GNA14: variants seen among roughly 807,000 people sequenced by gnomAD.
The protein encoded by GNA14 is G protein subunit alpha 14, also known as guanine nucleotide-binding protein subunit alpha-14.
In GNA14, 50 loss-of-function variants were observed where a neutral mutation model predicts 42.0. That is an observed-to-expected ratio of 1.19 (90% CI 0.95 to 1.51). The LOEUF is 1.51. Among genes scored for constraint, GNA14 ranks in the 40% most tolerant of loss-of-function variants. The probability of loss-of-function intolerance (pLI) is 0.00; values close to 1 mark genes in which losing one functional copy is unlikely to be tolerated. For missense variants in GNA14, 473 were observed against 446.2 expected, an observed-to-expected ratio of 1.06 and a Z score of -0.54; for synonymous variants, 173 against 163.1, an observed-to-expected ratio of 1.06 and a Z score of -0.46.
intron 2 of GNA14, among the ~76,000 whole-genome samples, chr9:77,458,914 G>GGGA (rs61548659): frequency 6.6e-6 from 1 of 150,836 alleles, no homozygotes; most frequent in South Asian, 2.1e-4. Flanking sequence ...AGGGGGGGGG[G>GGGA]TTGTCCTCTT....
At chr9:77,534,105 G>A (rs1002145969) in intron 1 of GNA14, among the ~76,000 whole-genome samples, 1 of 152,166 alleles carries the variant, frequency 6.6e-6, no homozygotes, top group Admixed American at 6.5e-5. Context: ...AGTATTATTT[G>A]CCACGATCAA....
At chr9:77,512,652 A>C (rs1837189228) in intron 2 of GNA14, among the ~76,000 whole-genome samples, 1 of 152,190 alleles carries the variant, frequency 6.6e-6, no homozygotes, top group Non-Finnish European at 1.5e-5. Context: ...GGATATTCAT[A>C]AACACATCAA....
intron 1 of GNA14, among the ~76,000 whole-genome samples, chr9:77,558,940 A>C (rs1227358778): frequency 4.6e-5 from 7 of 151,754 alleles, no homozygotes; most frequent in Middle Eastern, 3.4e-3. Flanking sequence ...AAAAAAAAAA[A>C]CAAAAAACAA....
intron 1 of GNA14, among the ~76,000 whole-genome samples, chr9:77,603,956 C>CAAAAAAAAAAAAAAAAAAAAAAAAAA (rs67044542): frequency 1.2e-5 from 1 of 81,608 alleles, no homozygotes; most frequent in Non-Finnish European, 2.2e-5. Context: ...AAAAAAAAAA[C>CAAAAAAAAAAAAAAAAAAAAAAAAAA]AAAAAAAAAA....
chr9:77,628,078 A>G (rs1450883035), intron 1 of GNA14, among the ~76,000 whole-genome samples: 1 of 152,204 alleles, frequency 6.6e-6, no homozygotes, highest in Non-Finnish European at 1.5e-5. Context: ...AAAAATCACA[A>G]GCATTCCTAT....
chr9:77,557,117 G>C (rs1461680871), intron 1 of GNA14, among the ~76,000 whole-genome samples: 1 of 152,168 alleles, frequency 6.6e-6, no homozygotes, highest in African/African-American at 2.4e-5. Flanking sequence ...GGGTCTAAGG[G>C]TGCCCCTCCA....
At chr9:77,591,663 GCT>G (rs1823392679) in intron 1 of GNA14, among the ~76,000 whole-genome samples, 1 of 152,112 alleles carries the variant, frequency 6.6e-6, no homozygotes, top group African/African-American at 2.4e-5. Flanking sequence ...ATAGTGCGTG[GCT>G]CTCTTTGATC....
chr9:77,547,342 T>A (rs987051520), intron 1 of GNA14, among the ~76,000 whole-genome samples: 2 of 152,196 alleles, frequency 1.3e-5, no homozygotes, highest in African/African-American at 4.8e-5. Context: ...TCCACCAAAA[T>A]CCTATTTGAT....
intron 1 of GNA14, among the ~76,000 whole-genome samples, chr9:77,621,956 C>T (rs910051278): frequency 1.3e-5 from 2 of 152,104 alleles, no homozygotes; most frequent in Non-Finnish European, 2.9e-5. Context: ...GACAGGGTCT[C>T]ACTCTGTTGC....
At chr9:77,495,207 G>T (rs909187229) in intron 2 of GNA14, among the ~76,000 whole-genome samples, 2 of 152,056 alleles carry the variant, frequency 1.3e-5, no homozygotes, top group African/African-American at 2.4e-5. Context: ...AAGATGCCAG[G>T]CTGCTACACA....
At chr9:77,537,494 T>C (rs1243962744) in intron 1 of GNA14, among the ~76,000 whole-genome samples, 2 of 152,222 alleles carry the variant, frequency 1.3e-5, no homozygotes. Flanking sequence ...AATGGACACT[T>C]AGGTTGATTC....
intron 5 of GNA14, among the ~76,000 whole-genome samples, chr9:77,427,227 T>A (rs1483713790): frequency 2.0e-5 from 3 of 152,162 alleles, no homozygotes; most frequent in African/African-American, 7.2e-5. Context: ...CTTGTGCACC[T>A]TACTAATCGT....
rs74780210 is a variant in GNA14, at chr9:77,592,486, T to C, written c.124+55184A>G. ...AGATCTGTGTAAGATCTGGTCCCTT[T>C]GGGTCTATGTTCCCAGGGAGTAACA... On this transcript the variant is annotated intron_variant, in intron 1 of 6. Transcript: ENST00000341700. 5.1e-3 allele frequency among the ~76,000 whole-genome samples: 771 copies of C among 152,310 alleles called. 34 individuals carry two copies. In the East Asian group the frequency reaches 0.1, roughly 20 times the overall value.
chr9:77,562,298 C>T (rs1033722254), intron 1 of GNA14, among the ~76,000 whole-genome samples: 8 of 152,090 alleles, frequency 5.3e-5, no homozygotes, highest in African/African-American at 1.9e-4. Flanking sequence ...GTAGCGTCTG[C>T]AACGTCTTAA....
intron 1 of GNA14, among the ~76,000 whole-genome samples, chr9:77,629,061 A>G (rs1433035609): frequency 6.6e-6 from 1 of 152,228 alleles, no homozygotes; most frequent in African/African-American, 2.4e-5. Flanking sequence ...ACCCCATCAA[A>G]AAGTGGCCAC....
chr9:77,432,063 C>A (rs2131690009), intron 3 of GNA14, among the ~76,000 whole-genome samples: 1 of 147,182 alleles, frequency 6.8e-6, no homozygotes, highest in East Asian at 2.0e-4. Flanking sequence ...AAGCCCTGAG[C>A]TTAAAACATA....
chr9:77,615,842 G>C (rs1020262451), intron 1 of GNA14, among the ~76,000 whole-genome samples: 1 of 145,864 alleles, frequency 6.9e-6, no homozygotes, highest in East Asian at 2.0e-4. Flanking sequence ...CAGTTCTTTT[G>C]GTTTTTGTTT....
intron 1 of GNA14, among the ~76,000 whole-genome samples, chr9:77,597,969 G>C (rs1823494017): frequency 6.6e-6 from 1 of 152,098 alleles, no homozygotes; most frequent in South Asian, 2.1e-4. Context: ...AACCTGGGAG[G>C]TGGAGGTTGC....
intron 1 of GNA14, among the ~76,000 whole-genome samples, chr9:77,576,187 A>T (rs1295339093): frequency 6.6e-6 from 1 of 152,222 alleles, no homozygotes; most frequent in East Asian, 1.9e-4. Context: ...AGGGAGAGAG[A>T]TTGAGGGATA....
Sources: allele counts gnomAD v4.1 joint callset (sites outside exome capture counted in the v4.1 genomes callset), GRCh38; gene constraint gnomAD v4.1.1; transcripts MANE v1.5; gene names NCBI Gene and HGNC (gene_info 2026-07-23, HGNC 2026-07-21).